Variants in ZDHHC11B observed in about 807,000 individuals in gnomAD.
ZDHHC11B encodes probable palmitoyltransferase ZDHHC11B.
In ZDHHC11B, 17 loss-of-function variants were observed where a neutral mutation model predicts 42.3. That is an observed-to-expected ratio of 0.40 (90% CI 0.27 to 0.60). The LOEUF (loss-of-function observed/expected upper bound fraction) is 0.60. ZDHHC11B is among the 20% of genes least tolerant of loss of function. ZDHHC11B has a pLI of 0.41. For missense variants in ZDHHC11B, 262 were observed against 463.2 expected (o/e 0.57, Z 3.99); for synonymous variants, 123 against 193.5 (o/e 0.64, Z 3.02).
At chr5:720,429 T>C (rs781043632) in intron 12 of ZDHHC11B, among the ~76,000 whole-genome samples, 5 of 151,776 alleles carry the variant, frequency 3.3e-5, no homozygotes, top group African/African-American at 9.7e-5. Context: ...ATGGGACAAA[T>C]CTATCCTTCC....
intron 6 of ZDHHC11B, among the ~76,000 whole-genome samples, chr5:752,523 T>A (rs1309167957): frequency 2.3e-5 from 2 of 85,696 alleles, no homozygotes; most frequent in African/African-American, 6.5e-5. Context: ...CCTCCTTTAA[T>A]CCTTTCCATT....
rs532967455 is a variant in ZDHHC11B at position 732,804 on chromosome 5, T to G, written c.1023+948A>C. 4.0e-4 allele frequency: 106 copies of G among 263,270 alleles called. 10 individuals carry two copies. The Admixed American group carries it at 4.3e-3, about 11-fold the overall frequency. The allele number at this position is 263,270 out of a possible 1,614,324, so 16.3% of individuals were successfully genotyped here. A position where few individuals can be genotyped will look rare whatever the true frequency, so the allele number is the denominator to read the frequency against. The stretch of plus-strand genomic sequence containing the variant: ...CTGTGCTATTAGAGGCTCACGCCTC[T>G]AATTCCCCTGAGCCTGGGGAATCAC... On this transcript the variant is annotated intron_variant, in intron 11 of 13. Coordinates refer to ENST00000508859, the MANE Select transcript of ZDHHC11B (RefSeq NM_001351303.2).
chr5:748,198 A>T, intron 8 of ZDHHC11B: 1 of 599,474 alleles, frequency 1.7e-6, no homozygotes, highest in Non-Finnish European at 2.9e-6. Context: ...TCATGGATTT[A>T]ATTTCTTCCT....
chr5:725,188 A>G (rs1264994066), intron 12 of ZDHHC11B, among the ~76,000 whole-genome samples: 26 of 149,060 alleles, frequency 1.7e-4, no homozygotes, highest in Admixed American at 6.0e-4. Flanking sequence ...CCTTGTGAGG[A>G]CAAGCAGAGG....
rs765071878 is a variant in ZDHHC11B at position 745,292 on chromosome 5, T to C, written c.791A>G (p.Lys264Arg). 1.2e-6 allele frequency: 2 copies of C among 1,606,850 alleles called. No homozygotes were observed. Among genetic ancestry groups the C allele is most frequent in the Non-Finnish European group, 1.7e-6 (2 of 1,176,414 alleles). The change falls in exon 9 of 14, where the codon AAG becomes AGG. Residue 264 changes from lysine to arginine, a missense_variant. Physicochemically the swap from Lys to Arg is conservative, Grantham distance 26. Coordinates refer to ENST00000508859, the MANE Select transcript of ZDHHC11B (RefSeq NM_001351303.2). ...LLIFHIYLKA[K>R]KMTTFEYLIN... ...GAGATACTCAAAGGTGGTCATCTTC[T>C]TGGCCTCTGGAAAGGGAAAAGGAGG...
intron 12 of ZDHHC11B, among the ~76,000 whole-genome samples, chr5:727,369 G>A (rs1025931646): frequency 8.2e-5 from 12 of 146,866 alleles, no homozygotes; most frequent in African/African-American, 2.0e-4. Context: ...AAACGCTATC[G>A]GCCACTCTCA....
chr5:749,237 AG>A lies in ZDHHC11B; in HGVS notation c.629-679del, dbSNP rs1202716537. Among the ~76,000 whole-genome samples the A allele has an allele frequency of 9.2e-5, 12 of 130,368 alleles. 1 individual carries two copies. Among genetic ancestry groups the A allele is most frequent in the African/African-American group, 2.8e-4 (11 of 39,832 alleles). The allele number at this position is 130,368 out of a possible 152,430, so 85.5% of individuals were successfully genotyped here. ...CAGCCGCCTTCAAATAGAACAGGAA[AG>A]CCACAGCTCTCACCTGGGGTCATTT... is the stretch of plus-strand genomic sequence containing the variant. On this transcript the variant is annotated intron_variant, in intron 7 of 13. Transcript: ENST00000508859.
At chr5:760,415 A>G (rs370297987) in intron 4 of ZDHHC11B, among the ~76,000 whole-genome samples, 1 of 151,724 alleles carries the variant, frequency 6.6e-6, no homozygotes, top group African/African-American at 2.4e-5. Context: ...ACACGAGAAG[A>G]CGAGCCACAG....
intron 8 of ZDHHC11B, chr5:747,889 G>A (rs1286781356): frequency 2.6e-4 from 62 of 236,780 alleles, no homozygotes; most frequent in Admixed American, 6.5e-4. Context: ...TTTACCCTCC[G>A]TCGTTCAGCA....
intron 12 of ZDHHC11B, among the ~76,000 whole-genome samples, chr5:727,551 T>C (rs1401960177): frequency 7.3e-6 from 1 of 136,826 alleles, no homozygotes; most frequent in Non-Finnish European, 1.6e-5. Flanking sequence ...TGTCGGACAT[T>C]AAAATGTAGC....
At chr5:776,656 C>T (rs1282923120) in intron 1 of ZDHHC11B, among the ~76,000 whole-genome samples, 2 of 151,902 alleles carry the variant, frequency 1.3e-5, no homozygotes, top group Non-Finnish European at 2.9e-5. Flanking sequence ...GCAAAAGCCA[C>T]CCTCACAGCG....
chr5:713,716 C>T (rs1231082596), intron 13 of ZDHHC11B, among the ~76,000 whole-genome samples: 23 of 152,110 alleles, frequency 1.5e-4, no homozygotes, highest in African/African-American at 5.1e-4. Context: ...TCCAAATACT[C>T]GGCAGTGATT....
chr5:765,153 G>T (rs2150213661), intron 4 of ZDHHC11B, among the ~76,000 whole-genome samples: 1 of 147,772 alleles, frequency 6.8e-6, no homozygotes, highest in South Asian at 2.3e-4. Context: ...GTTTGTAAAT[G>T]CACCAATCAG....
intron 4 of ZDHHC11B, among the ~76,000 whole-genome samples, chr5:760,932 A>T (rs1441614921): frequency 1.3e-5 from 2 of 151,214 alleles, no homozygotes; most frequent in African/African-American, 4.9e-5. Context: ...AGCTTCAACC[A>T]CACAGACCCC....
chr5:722,833 A>G (rs1222453703), intron 12 of ZDHHC11B, among the ~76,000 whole-genome samples: 2 of 151,616 alleles, frequency 1.3e-5, no homozygotes, highest in Middle Eastern at 3.4e-3. Context: ...TACAGCGACA[A>G]GCAGTATGGA....
intron 12 of ZDHHC11B, among the ~76,000 whole-genome samples, chr5:728,165 T>C (rs1386459262): frequency 1.1e-4 from 16 of 152,018 alleles, no homozygotes; most frequent in Non-Finnish European, 2.2e-4. Flanking sequence ...TGACAATGTG[T>C]TCAGTCTCAT....
At chr5:765,608 TTC>T (rs1330590727) in intron 4 of ZDHHC11B, among the ~76,000 whole-genome samples, 1 of 151,904 alleles carries the variant, frequency 6.6e-6, no homozygotes, top group African/African-American at 2.4e-5. Flanking sequence ...ACTGCTTGGG[TTC>T]TCTTCCACAT....
In ZDHHC11B at chr5:784,703, G is replaced by A. The variant is rs1737129800; in HGVS notation, c.-265C>T. 6.8e-6 allele frequency among the ~76,000 whole-genome samples: 1 copy of A among 148,062 alleles called. No homozygotes were observed. Among genetic ancestry groups the A allele is most frequent in the Admixed American group, 6.7e-5 (1 of 14,894 alleles). On this transcript the variant is annotated 5_prime_UTR_variant, in exon 1 of 14. Coordinates refer to ENST00000508859, the MANE Select transcript of ZDHHC11B (RefSeq NM_001351303.2). Reference sequence around the variant, plus strand: ...CAGCAACTGCAGCGGAGGCTCCCCCGCGACCCGGCCGCGCGCGACCAAGTG... The same window carrying A: ...CAGCAACTGCAGCGGAGGCTCCCCCACGACCCGGCCGCGCGCGACCAAGTG...
chr5:737,112 T>G (rs1204432186), intron 10 of ZDHHC11B, among the ~76,000 whole-genome samples: 1 of 149,442 alleles, frequency 6.7e-6, no homozygotes, highest in Non-Finnish European at 1.5e-5. Flanking sequence ...TAAGCTCAAT[T>G]AGAAATGAAA....
Sources: gnomAD v4.1 joint callset for allele counts (sites outside exome capture counted in the v4.1 genomes callset) on GRCh38, gnomAD v4.1.1 for gene constraint, MANE v1.5 for transcripts, NCBI Gene and HGNC (gene_info 2026-07-23, HGNC 2026-07-21) for gene names.